The following LRFN5 variants were observed in gnomAD, a reference collection of about 807,000 sequenced individuals.
LRFN5 encodes leucine-rich repeat and fibronectin type-III domain-containing protein 5.
In LRFN5, 24 loss-of-function variants were observed where a neutral mutation model predicts 45.6. The observed-to-expected ratio is 0.53, with a 90% CI of 0.38 to 0.74. The LOEUF is 0.74. LRFN5 is among the 30% of genes least tolerant of loss of function. LRFN5 has a pLI of 0.00. For synonymous variants in LRFN5, 340 were observed against 313.8 expected, an observed-to-expected ratio of 1.08 and a Z score of -0.88; for missense variants, 776 against 861.5, an observed-to-expected ratio of 0.90 and a Z score of 1.24.
chr14:41,795,181 C>T (rs1887074273), intron 2 of LRFN5, among the ~76,000 whole-genome samples: 1 of 152,032 alleles, frequency 6.6e-6, no homozygotes, highest in Non-Finnish European at 1.5e-5. Flanking sequence ...AAAAAATGCT[C>T]ATCATCGCTG....
At chr14:41,863,621 A>G (rs1489777899) in intron 2 of LRFN5, among the ~76,000 whole-genome samples, 2 of 152,226 alleles carry the variant, frequency 1.3e-5, no homozygotes, top group African/African-American at 2.4e-5. Context: ...GCACTGCAGT[A>G]TAAATTATTC....
intron 2 of LRFN5, among the ~76,000 whole-genome samples, chr14:41,865,956 G>A (rs1314051356): frequency 1.3e-5 from 2 of 152,108 alleles, no homozygotes; most frequent in Non-Finnish European, 2.9e-5. Context: ...TTGAATACCA[G>A]ACCCTTATCA....
chr14:41,875,497 G>T (rs535304816), intron 2 of LRFN5, among the ~76,000 whole-genome samples: 1 of 152,242 alleles, frequency 6.6e-6, no homozygotes, highest in Non-Finnish European at 1.5e-5. Context: ...TCTGTAGGGA[G>T]ATTTCTGAGT....
intron 2 of LRFN5, among the ~76,000 whole-genome samples, chr14:41,878,938 T>A (rs1890279365): frequency 6.6e-6 from 1 of 152,114 alleles, no homozygotes; most frequent in Non-Finnish European, 1.5e-5. Context: ...CTTCTTTACA[T>A]GAGATCTTAC....
chr14:41,773,273 C>T (rs1886155505), intron 2 of LRFN5, among the ~76,000 whole-genome samples: 1 of 152,144 alleles, frequency 6.6e-6, no homozygotes, highest in South Asian at 2.1e-4. Flanking sequence ...GAGCAGCTCA[C>T]TTTTTTTGCC....
intron 2 of LRFN5, among the ~76,000 whole-genome samples, chr14:41,848,430 G>C (rs1228611467): frequency 3.3e-5 from 5 of 151,774 alleles, no homozygotes; most frequent in Non-Finnish European, 7.4e-5. Flanking sequence ...AACCGTAAAA[G>C]AGAATGGGGC....
intron 1 of LRFN5, among the ~76,000 whole-genome samples, chr14:41,642,984 C>T (rs879787374): frequency 3.3e-5 from 5 of 152,024 alleles, no homozygotes; most frequent in South Asian, 2.1e-4. Context: ...TATATCTTAG[C>T]GCAAGTAATA....
At position 41,855,888 on chromosome 14, in the gene LRFN5, C is replaced by T. The variant is rs974767302; in HGVS notation, c.-20-30718C>T. On this transcript the variant is annotated intron_variant, in intron 2 of 5. Coordinates refer to ENST00000298119, the MANE Select transcript of LRFN5 (RefSeq NM_152447.5). ...CTGTAGACATGGTGATATATGTCTA[C>T]GTTAGTATACATATATTAGTGTATA... is the stretch of plus-strand genomic sequence containing the variant. 4.6e-5 allele frequency among the ~76,000 whole-genome samples: 7 copies of T among 151,982 alleles called. No individual in the cohort carries two copies. In the East Asian group the frequency reaches 7.7e-4, roughly 17 times the overall value.
At chr14:41,726,878 G>T (rs930612772) in intron 1 of LRFN5, among the ~76,000 whole-genome samples, 1 of 152,170 alleles carries the variant, frequency 6.6e-6, no homozygotes, top group African/African-American at 2.4e-5. Context: ...TATAGTAAGA[G>T]TGTAGACAAA....
intron 2 of LRFN5, among the ~76,000 whole-genome samples, chr14:41,844,158 C>G (rs909969915): frequency 2.0e-5 from 3 of 152,138 alleles, no homozygotes; most frequent in Non-Finnish European, 4.4e-5. Context: ...TAAAATTCGG[C>G]CGGGTGCAGT....
chr14:41,675,091 G>C (rs1344392965), intron 1 of LRFN5, among the ~76,000 whole-genome samples: 6 of 151,320 alleles, frequency 4.0e-5, no homozygotes, highest in South Asian at 2.1e-4. Flanking sequence ...GGATGGCGGC[G>C]GGGCAGAGAC....
At position 41,893,055 on chromosome 14, in the gene LRFN5, A is replaced by G. The variant is rs1890835346; in HGVS notation, c.2098+1093A>G. The G allele has an allele frequency of 3.1e-6, 3 of 982,922 alleles. No homozygotes were observed. In the South Asian group the frequency reaches 1.4e-4, roughly 46 times the overall value. 60.9% of individuals were successfully genotyped at this position (982,922 alleles called of 1,614,324 possible). On this transcript the variant is annotated intron_variant, in intron 4 of 5. Transcript: ENST00000298119. ...AAGTCATAAAAGTCATTGCTCATTAAGCAGATAGTGGATTTTTTTTTTCCC... is the reference window on the plus strand; with the variant it reads ...AAGTCATAAAAGTCATTGCTCATTAGGCAGATAGTGGATTTTTTTTTTCCC...
intron 1 of LRFN5, among the ~76,000 whole-genome samples, chr14:41,662,881 C>T (rs1880720846): frequency 6.6e-6 from 1 of 152,102 alleles, no homozygotes; most frequent in African/African-American, 2.4e-5. Flanking sequence ...AACCAAGTTG[C>T]ACAGCACAAT....
intron 1 of LRFN5, among the ~76,000 whole-genome samples, chr14:41,756,541 G>T (rs1253833405): frequency 2.0e-5 from 3 of 152,046 alleles, no homozygotes; most frequent in African/African-American, 7.2e-5. Flanking sequence ...TCTTCCAGTT[G>T]ATCGAATCGG....
rs563279795 is a variant in LRFN5, at chr14:41,817,254, A to T, written c.-21+50225A>T. 5.3e-5 allele frequency among the ~76,000 whole-genome samples: 8 copies of T among 152,188 alleles called. No individual in the cohort carries two copies. The East Asian group carries it at 1.4e-3, about 26-fold the overall frequency. ...AATTTCCCAGCCTGAGAATTCCAAC[A>T]TACCTGACAATTGAGTCGCATTCTG... On this transcript the variant is annotated intron_variant, in intron 2 of 5. Transcript: ENST00000298119.
chr14:41,810,740 A>G (rs1008347522), intron 2 of LRFN5, among the ~76,000 whole-genome samples: 16 of 152,074 alleles, frequency 1.1e-4, no homozygotes, highest in Admixed American at 6.6e-4. Context: ...TCCCATTCTC[A>G]TCAGAAAATA....
chr14:41,778,753 G>A (rs918700050), intron 2 of LRFN5, among the ~76,000 whole-genome samples: 2 of 151,694 alleles, frequency 1.3e-5, no homozygotes, highest in Non-Finnish European at 3.0e-5. Flanking sequence ...AATGAACTAA[G>A]CTACGTAATA....
At chr14:41,618,107 C>T (rs1887984868) in intron 1 of LRFN5, among the ~76,000 whole-genome samples, 1 of 152,124 alleles carries the variant, frequency 6.6e-6, no homozygotes, top group Non-Finnish European at 1.5e-5. Context: ...GTTGTTATTT[C>T]CATGACAGAG....
At position 41,833,043 on chromosome 14, in the gene LRFN5, CCTAT is replaced by C. The variant is rs543733558; in HGVS notation, c.-20-53561_-20-53558del. ...CCTGTGACCAGGTAGCTGGCTCCTC[CCTAT>C]CAGGGAATCATGCCATATTAGGGGT... On this transcript the variant is annotated intron_variant, in intron 2 of 5. Transcript: ENST00000298119. 2.1e-4 allele frequency among the ~76,000 whole-genome samples: 32 copies of C among 152,176 alleles called. No individual in the cohort carries two copies. In the South Asian group the frequency reaches 6.4e-3, roughly 31 times the overall value.
Sources: allele counts gnomAD v4.1 joint callset (sites outside exome capture counted in the v4.1 genomes callset), GRCh38; gene constraint gnomAD v4.1.1; transcripts MANE v1.5; gene names NCBI Gene and HGNC (gene_info 2026-07-23, HGNC 2026-07-21).